Variants in ZNF518A observed in about 807,000 individuals in gnomAD.
ZNF518A encodes the protein zinc finger protein 518A.
ZNF518A carries 47 observed loss-of-function variants against 102.7 expected under a neutral mutation model. The ratio of observed to expected loss-of-function variants is 0.46; its 90% CI spans 0.36 to 0.58. The LOEUF is 0.58. ZNF518A is among the 20% of genes least tolerant of loss of function. The pLI is 0.00. For missense variants in ZNF518A, 1,793 were observed against 1,699.8 expected, an observed-to-expected ratio of 1.05 and a Z score of -0.96; for synonymous variants, 652 against 594.6, an observed-to-expected ratio of 1.10 and a Z score of -1.40.
intron 1 of ZNF518A, among the ~76,000 whole-genome samples, chr10:96,188,890 T>G (rs1261781595): frequency 6.6e-6 from 1 of 152,200 alleles, no homozygotes; most frequent in Non-Finnish European, 1.5e-5. Context: ...ACCAGGGCCA[T>G]GCTCCCTCTA....
At chr10:96,176,128 T>G (rs1554891451) in intron 1 of ZNF518A, among the ~76,000 whole-genome samples, 1 of 151,908 alleles carries the variant, frequency 6.6e-6, no homozygotes, top group African/African-American at 2.4e-5. Flanking sequence ...AGAGACAGGG[T>G]CTATGTTGCC....
chr10:96,192,322 CTACT>C lies in ZNF518A; in HGVS notation n.36-11249_36-11246del, dbSNP rs149157547. On this transcript the variant is annotated intron_variant and non_coding_transcript_variant, in intron 1 of 2. Transcript: ENST00000442635. ...ACACTGACAGCCTCAATTAGCATAG[CTACT>C]TAGAGAGATTACTTCACTGAGTTAT... Among the ~76,000 whole-genome samples the C allele has an allele frequency of 0.07, 10,688 of 152,152 alleles. 720 individuals carry two copies. Among genetic ancestry groups the C allele is most frequent in the African/African-American group, 0.18 (7,365 of 41,486 alleles).
At chr10:96,168,642 C>A (rs1301140636), downstream of ZNF518A, among the ~76,000 whole-genome samples, 1 of 151,870 alleles carries the variant, frequency 6.6e-6, no homozygotes, top group Non-Finnish European at 1.5e-5. Flanking sequence ...GTTTTGTTTT[C>A]TTTTTAATTT....
At chr10:96,187,276 A>G (rs782610060) in intron 1 of ZNF518A, among the ~76,000 whole-genome samples, 7 of 152,224 alleles carry the variant, frequency 4.6e-5, no homozygotes, top group Non-Finnish European at 8.8e-5. Context: ...GGTAATGTTT[A>G]TCAGGCACCA....
In ZNF518A at chr10:96,159,593, A is replaced by G; in HGVS notation, c.3271A>G (p.Lys1091Glu). The G allele has an allele frequency of 6.2e-7, 1 of 1,613,898 alleles. No individual in the cohort carries two copies. Among genetic ancestry groups the G allele is most frequent in the Non-Finnish European group, 8.5e-7 (1 of 1,179,800 alleles). The part of the protein sequence containing the change: ...SVKQQNEIFP[K>E]PPLYTFLPDG... The stretch of plus-strand genomic sequence containing the variant: ...AAAACAGCAGAATGAGATTTTTCCA[A>G]AACCACCTCTTTATACCTTCTTGCC... The change falls in exon 6 of 6, where the codon AAA becomes GAA. Residue 1091 changes from lysine (K) to glutamate (E), a missense_variant. Lys to Glu is a moderately conservative substitution (Grantham distance 56). Coordinates refer to ENST00000316045, the MANE Select transcript of ZNF518A (RefSeq NM_001330736.2).
chr10:96,158,630 C>T lies in ZNF518A; in HGVS notation c.2308C>T (p.Leu770Phe), dbSNP rs2082827805. Residue 770 changes from leucine to phenylalanine, a missense_variant, in exon 6 of 6, where the codon CTC becomes TTC. This residue lies in a region of ZNF518A where 1,741 missense variants were observed against 1,622.6 expected (regional missense o/e 1.07). Transcript: ENST00000316045. ...MMPRITSVFS[L>F]QSQQASEFLP... ...GCCTAGAATCACATCTGTTTTCTCT[C>T]TCCAGAGCCAACAGGCATCAGAATT... 6.2e-7 allele frequency: 1 copy of T among 1,613,360 alleles called. No individual in the cohort carries two copies. Among genetic ancestry groups the T allele is most frequent in the Non-Finnish European group, 8.5e-7 (1 of 1,179,628 alleles).
At position 96,194,795 on chromosome 10, in the gene ZNF518A, GA is replaced by G. The variant is rs2083419896; in HGVS notation, n.36-8778del. On this transcript the variant is annotated intron_variant and non_coding_transcript_variant, in intron 1 of 2. Coordinates refer to the ZNF518A transcript ENST00000442635. ...TTTTTTTTTTTTTTTTTTTGAGACGGAGTCTCGCTCTGTCGCCCAGGCTGGA... is the reference window on the plus strand; with the variant it reads ...TTTTTTTTTTTTTTTTTTTGAGACGGGTCTCGCTCTGTCGCCCAGGCTGGA... Among the ~76,000 whole-genome samples, 4 of 62,194 alleles carry G rather than the reference GA, an allele frequency of 6.4e-5. No homozygotes were observed. The South Asian group carries it at 2.1e-3, about 33-fold the overall frequency. 40.8% of individuals were successfully genotyped at this position (62,194 alleles called of 152,430 possible). A position where few individuals can be genotyped will look rare whatever the true frequency, so the allele number is the denominator to read the frequency against.
chr10:96,172,666 A>T (rs587701507), intron 1 of ZNF518A, among the ~76,000 whole-genome samples: 1 of 152,214 alleles, frequency 6.6e-6, no homozygotes, highest in East Asian at 1.9e-4. Flanking sequence ...CCCTAGAGCA[A>T]CCACTAAGAA....
chr10:96,151,037 G>A (rs1216294765), intron 3 of ZNF518A, among the ~76,000 whole-genome samples: 5 of 152,082 alleles, frequency 3.3e-5, no homozygotes, highest in African/African-American at 1.2e-4. Context: ...ACAGGTGTGA[G>A]CCAGCACTCC....
chr10:96,153,307 A>G lies in ZNF518A; in HGVS notation c.-301-2019A>G, dbSNP rs79944249. Among the ~76,000 whole-genome samples the G allele has an allele frequency of 7.2e-3, 1,103 of 152,336 alleles. 7 individuals are homozygous for G. Among genetic ancestry groups the G allele is most frequent in the Middle Eastern group, 0.017 (5 of 294 alleles). On this transcript the variant is annotated intron_variant, in intron 3 of 5. Coordinates refer to ENST00000316045, the MANE Select transcript of ZNF518A (RefSeq NM_001330736.2). ...GAGGCAAATCTGCCCCACTCAGTCT[A>G]CTGACTCACATCCTGGTCTCTGGAA...
intron 1 of ZNF518A, among the ~76,000 whole-genome samples, chr10:96,179,264 C>T (rs1376834037): frequency 2.0e-5 from 3 of 152,074 alleles, no homozygotes; most frequent in South Asian, 4.2e-4. Flanking sequence ...TGTCAAGGGA[C>T]TTATGTCTAG....
chr10:96,157,180 A>G lies in ZNF518A; in HGVS notation c.858A>G (p.Lys286=), dbSNP rs1554883105. ...HLVRHVITLH[K]EHLYAKEKLE... ...TAAGACATGTTATAACTTTGCACAA[A>G]GAACATTTATATGCAAAAGAAAAAC... The change falls in exon 6 of 6, where the codon AAA becomes AAG. Residue 286 remains lysine, a synonymous_variant. Transcript: ENST00000316045. The G allele has an allele frequency of 1.9e-6, 3 of 1,612,674 alleles. No individual in the cohort carries two copies.
intron 1 of ZNF518A, among the ~76,000 whole-genome samples, chr10:96,182,821 A>G (rs2083248127): frequency 6.6e-6 from 1 of 152,210 alleles, no homozygotes; most frequent in African/African-American, 2.4e-5. Flanking sequence ...TGGTATCAGG[A>G]TGATGCTGGC....
chr10:96,169,797 C>T (rs1450451969), intron 1 of ZNF518A, among the ~76,000 whole-genome samples: 1 of 152,210 alleles, frequency 6.6e-6, no homozygotes, highest in Non-Finnish European at 1.5e-5. Context: ...ATTCTCCCCT[C>T]CAACCTCTCA....
chr10:96,134,887 GATTA>G (rs1256332669), intron 3 of ZNF518A, among the ~76,000 whole-genome samples: 1 of 146,828 alleles, frequency 6.8e-6, no homozygotes, highest in Admixed American at 6.8e-5. Flanking sequence ...GTCAATTCCT[GATTA>G]ATATTGGTTT....
downstream of ZNF518A, chr10:96,204,442 CAA>C (rs2083741601): frequency 2.9e-6 from 4 of 1,392,624 alleles, no homozygotes; most frequent in Non-Finnish European, 4.1e-6. Flanking sequence ...CCTAGCACTG[CAA>C]GTCAGTGTCA....
chr10:96,139,473 C>T (rs2081800745), intron 3 of ZNF518A, among the ~76,000 whole-genome samples: 1 of 152,126 alleles, frequency 6.6e-6, no homozygotes, highest in East Asian at 1.9e-4. Flanking sequence ...TGTGAGGACA[C>T]AGTGAGAAGA....
chr10:96,197,711 A>G (rs1554895035), intron 1 of ZNF518A, among the ~76,000 whole-genome samples: 1 of 152,146 alleles, frequency 6.6e-6, no homozygotes, highest in Non-Finnish European at 1.5e-5. Flanking sequence ...CTTGGGTCAG[A>G]CTGACCTCAT....
At chr10:96,145,517 A>G (rs1277021597) in intron 3 of ZNF518A, among the ~76,000 whole-genome samples, 2 of 152,274 alleles carry the variant, frequency 1.3e-5, no homozygotes, top group East Asian at 3.8e-4. Context: ...ATGAATTTAT[A>G]TAGCATGAAT....
Sources: allele counts gnomAD v4.1 joint callset (sites outside exome capture counted in the v4.1 genomes callset), GRCh38; gene constraint gnomAD v4.1.1; regional missense constraint gnomAD v4.1.1; transcripts MANE v1.5; gene names NCBI Gene and HGNC (gene_info 2026-07-23, HGNC 2026-07-21).